COL21A1: variants seen among roughly 807,000 people sequenced by gnomAD.
COL21A1 encodes collagen alpha-1(XXI) chain.
A neutral mutation model predicts 137.9 loss-of-function variants in COL21A1; 149 were observed. That is an observed-to-expected ratio of 1.08 (90% CI 0.95 to 1.24). The LOEUF (loss-of-function observed/expected upper bound fraction) is 1.24. COL21A1 is among the 50% of genes most tolerant of loss of function. The pLI, the probability that COL21A1 is intolerant of heterozygous loss-of-function variation, is 0.00. For missense variants in COL21A1, 1,167 were observed against 1,158.4 expected, an observed-to-expected ratio of 1.01 and a Z score of -0.11; for synonymous variants, 456 against 391.5, an observed-to-expected ratio of 1.16 and a Z score of -1.95.
intron 1 of COL21A1, among the ~76,000 whole-genome samples, chr6:56,294,762 C>A (rs1441857532): frequency 6.6e-6 from 1 of 151,924 alleles, no homozygotes; most frequent in Non-Finnish European, 1.5e-5. Context: ...CTGTTCAGAT[C>A]TTTTGCTCAT....
chr6:56,331,593 T>C (rs902964155), intron 1 of COL21A1, among the ~76,000 whole-genome samples: 3 of 152,202 alleles, frequency 2.0e-5, no homozygotes, highest in South Asian at 2.1e-4. Context: ...GTTGTATGTA[T>C]GTGGCTTTAT....
intron 17 of COL21A1, among the ~76,000 whole-genome samples, chr6:56,084,749 G>A (rs1042414885): frequency 1.3e-5 from 2 of 151,974 alleles, no homozygotes; most frequent in Non-Finnish European, 2.9e-5. Context: ...ACTGTTAAAC[G>A]TTGGTCTTTC....
At chr6:56,114,409 T>G (rs897178188) in intron 16 of COL21A1, among the ~76,000 whole-genome samples, 1 of 152,192 alleles carries the variant, frequency 6.6e-6, no homozygotes, top group African/African-American at 2.4e-5. Flanking sequence ...ATTGTGATGT[T>G]AGGGTGTCAA....
intron 1 of COL21A1, among the ~76,000 whole-genome samples, chr6:56,320,886 T>G (rs938535474): frequency 2.0e-5 from 3 of 152,162 alleles, no homozygotes; most frequent in Non-Finnish European, 4.4e-5. Flanking sequence ...ATGACCAATA[T>G]GTACTCATTA....
At chr6:56,323,352 T>C (rs548740230) in intron 1 of COL21A1, among the ~76,000 whole-genome samples, 2 of 152,218 alleles carry the variant, frequency 1.3e-5, no homozygotes, top group East Asian at 3.9e-4. Context: ...ATAATTCACA[T>C]TGTTTTTCCT....
At position 56,164,813 on chromosome 6, in the gene COL21A1, C is replaced by T. The variant is rs1776449835; in HGVS notation, c.1287+1G>A. On this transcript the variant is annotated splice_donor_variant, in intron 8 of 29. Coordinates refer to ENST00000244728, the MANE Select transcript of COL21A1 (RefSeq NM_030820.4). LOFTEE classifies it high-confidence loss of function. ...AGGGGAACAATAGTATCCAAGCCTA[C>T]CTCTCCATTCTGAAAGAAAAACAAC... 6.4e-7 allele frequency: 1 copy of T among 1,563,866 alleles called. No individual in the cohort carries two copies. Among genetic ancestry groups the T allele is most frequent in the Non-Finnish European group, 8.7e-7 (1 of 1,152,412 alleles).
chr6:56,386,106 G>T (rs888039010), intron 1 of COL21A1, among the ~76,000 whole-genome samples: 1 of 151,962 alleles, frequency 6.6e-6, no homozygotes, highest in African/African-American at 2.4e-5. Flanking sequence ...TTGCCACCAC[G>T]CCCAGCTAAT....
intron 9 of COL21A1, among the ~76,000 whole-genome samples, chr6:56,160,860 T>C (rs192301250): frequency 1.3e-5 from 2 of 152,310 alleles, no homozygotes; most frequent in Admixed American, 1.3e-4. Context: ...TTTGGAATAC[T>C]TCATATAAGT....
At chr6:56,129,690 G>C (rs1205406757) in intron 12 of COL21A1, among the ~76,000 whole-genome samples, 1 of 118,128 alleles carries the variant, frequency 8.5e-6, no homozygotes, top group African/African-American at 3.3e-5. Context: ...GTGTGTGTGT[G>C]TGTGTGTGTG....
intron 1 of COL21A1, among the ~76,000 whole-genome samples, chr6:56,227,953 A>G (rs1019011611): frequency 1.3e-5 from 2 of 151,910 alleles, no homozygotes; most frequent in African/African-American, 4.8e-5. Context: ...TTGCTAGATG[A>G]CCTTAAGAAG....
At chr6:56,217,766 G>T (rs573546099) in intron 1 of COL21A1, among the ~76,000 whole-genome samples, 1 of 152,112 alleles carries the variant, frequency 6.6e-6, no homozygotes, top group Admixed American at 6.6e-5. Context: ...CATGAAGAAG[G>T]CTTCCACCCA....
rs1291347531 is a variant in COL21A1 at position 56,182,663 on chromosome 6, G to A, written c.-38-7C>T. ...TATTTTGGTTTTAGGATTCCTAGGGGGAAAAAAAAGGCAAGTTAAATATAT... is the reference window on the plus strand; with the variant it reads ...TATTTTGGTTTTAGGATTCCTAGGGAGAAAAAAAAGGCAAGTTAAATATAT... On this transcript the variant is annotated splice_region_variant and splice_polypyrimidine_tract_variant and intron_variant, in intron 1 of 29. Coordinates refer to ENST00000244728, the MANE Select transcript of COL21A1 (RefSeq NM_030820.4). 3 of 1,222,486 alleles carry A rather than the reference G, an allele frequency of 2.5e-6. No homozygotes were observed. Among genetic ancestry groups the A allele is most frequent in the Non-Finnish European group, 3.5e-6 (3 of 856,716 alleles). The allele number at this position is 1,222,486 out of a possible 1,614,324, so 75.7% of individuals were successfully genotyped here. A position where few individuals can be genotyped will look rare whatever the true frequency, so the allele number is the denominator to read the frequency against.
chr6:56,251,845 A>G (rs939085910), upstream of COL21A1, among the ~76,000 whole-genome samples: 2 of 152,208 alleles, frequency 1.3e-5, no homozygotes, highest in South Asian at 2.1e-4. Flanking sequence ...TAGCAGTCCT[A>G]TGTAAATGCA....
intron 27 of COL21A1, 191 bp from the exon 28 acceptor site, chr6:56,060,409 G>T: frequency 1.8e-6 from 1 of 552,160 alleles, no homozygotes; most frequent in Non-Finnish European, 3.1e-6. Flanking sequence ...AATTTTATTA[G>T]AGCAATTGCT....
chr6:56,384,623 G>C (rs187086744), intron 1 of COL21A1, among the ~76,000 whole-genome samples: 1 of 152,300 alleles, frequency 6.6e-6, no homozygotes, highest in East Asian at 1.9e-4. Context: ...ATTTTCTTAA[G>C]TATTCTGGCC....
At chr6:56,352,486 C>T (rs1033469803) in intron 1 of COL21A1, among the ~76,000 whole-genome samples, 1 of 151,080 alleles carries the variant, frequency 6.6e-6, no homozygotes, top group Non-Finnish European at 1.5e-5. Flanking sequence ...CCTGGCTCCA[C>T]GCAGCAAAAC....
At chr6:56,312,965 A>C (rs1303243348) in intron 1 of COL21A1, among the ~76,000 whole-genome samples, 1 of 152,126 alleles carries the variant, frequency 6.6e-6, no homozygotes, top group Non-Finnish European at 1.5e-5. Flanking sequence ...GTCAGTAAGG[A>C]AGTTGAATCC....
intron 3 of COL21A1, among the ~76,000 whole-genome samples, chr6:56,172,525 C>G (rs1777147571): frequency 6.6e-6 from 1 of 152,114 alleles, no homozygotes; most frequent in South Asian, 2.1e-4. Flanking sequence ...ATAAGAAATT[C>G]TCAAGGAGTC....
At chr6:56,111,512 G>T (rs1038829383) in intron 16 of COL21A1, among the ~76,000 whole-genome samples, 2 of 152,118 alleles carry the variant, frequency 1.3e-5, no homozygotes, top group Non-Finnish European at 2.9e-5. Flanking sequence ...GTTGGATAAA[G>T]GGTATGAGGA....
Sources: gnomAD v4.1 joint callset for allele counts (sites outside exome capture counted in the v4.1 genomes callset) on GRCh38, gnomAD v4.1.1 for gene constraint, MANE v1.5 for transcripts, NCBI Gene and HGNC (gene_info 2026-07-23, HGNC 2026-07-21) for gene names.